SDK1: variants seen among roughly 807,000 people sequenced by gnomAD.
SDK1 encodes sidekick cell adhesion molecule 1.
SDK1 carries 157 observed loss-of-function variants against 245.5 expected under a neutral mutation model. The ratio of observed to expected loss-of-function variants is 0.64; its 90% CI spans 0.56 to 0.73. The LOEUF (loss-of-function observed/expected upper bound fraction) is 0.73. Ranked by LOEUF, SDK1 falls within the 30% of genes least tolerant of loss-of-function variation. SDK1 has a pLI of 0.00. For synonymous variants in SDK1, 1,647 were observed against 1,278.5 expected (o/e 1.29, Z -6.15); for missense variants, 3,583 against 3,002.3 (o/e 1.19, Z -4.52).
chr7:4,158,973 C>G (rs538392746), intron 31 of SDK1, among the ~76,000 whole-genome samples: 136 of 152,320 alleles, frequency 8.9e-4, no homozygotes, highest in African/African-American at 3.2e-3. Context: ...TCAGCCGCTC[C>G]GTCCTACCTC....
chr7:3,663,900 C>G (rs1165578481), intron 4 of SDK1, among the ~76,000 whole-genome samples: 1 of 152,162 alleles, frequency 6.6e-6, no homozygotes, highest in African/African-American at 2.4e-5. Context: ...AAGCATTTTT[C>G]TTAGGAATGT....
chr7:3,936,531 C>T (rs562945564), intron 5 of SDK1, among the ~76,000 whole-genome samples: 8 of 151,828 alleles, frequency 5.3e-5, no homozygotes, highest in Admixed American at 2.6e-4. Flanking sequence ...GTTGCAATGA[C>T]CCTAGATCAC....
chr7:3,353,085 A>G (rs1307428363), intron 1 of SDK1, among the ~76,000 whole-genome samples: 1 of 152,152 alleles, frequency 6.6e-6, no homozygotes, highest in Non-Finnish European at 1.5e-5. Flanking sequence ...ATCCCAATTT[A>G]GCTTTTTTTG....
intron 4 of SDK1, among the ~76,000 whole-genome samples, chr7:3,678,813 G>T (rs190496471): frequency 6.6e-6 from 1 of 152,164 alleles, no homozygotes; most frequent in Non-Finnish European, 1.5e-5. Flanking sequence ...TTTTTAAAAA[G>T]CAATTCAGGG....
At chr7:3,482,270 A>G (rs1781544388) in intron 1 of SDK1, among the ~76,000 whole-genome samples, 1 of 152,210 alleles carries the variant, frequency 6.6e-6, no homozygotes, top group African/African-American at 2.4e-5. Flanking sequence ...TGACCAGGCA[A>G]GAGAAGACGG....
At chr7:4,246,179 C>G (rs1786846487) in intron 44 of SDK1, among the ~76,000 whole-genome samples, 1 of 152,236 alleles carries the variant, frequency 6.6e-6, no homozygotes. Flanking sequence ...GTCCCAGAGA[C>G]TGCAGTGAGA....
At chr7:4,152,599 G>C (rs1009213800) in intron 30 of SDK1, among the ~76,000 whole-genome samples, 1 of 152,160 alleles carries the variant, frequency 6.6e-6, no homozygotes, top group Non-Finnish European at 1.5e-5. Flanking sequence ...AGTTTAATTT[G>C]GTATAGGAGA....
chr7:3,612,770 C>G (rs1382169019), intron 1 of SDK1, among the ~76,000 whole-genome samples: 1 of 152,156 alleles, frequency 6.6e-6, no homozygotes, highest in Non-Finnish European at 1.5e-5. Flanking sequence ...CCTGCCCTGG[C>G]TGATTACTCC....
chr7:4,129,860 T>C, intron 26 of SDK1, 48 bp from the exon 27 acceptor site: 1 of 1,607,974 alleles, frequency 6.2e-7, no homozygotes, highest in Non-Finnish European at 8.5e-7. Context: ...CGGCGGTCCC[T>C]CCTGGCACCC....
intron 1 of SDK1, among the ~76,000 whole-genome samples, chr7:3,474,091 G>GTTTTTT (rs869083123): frequency 0.013 from 559 of 43,254 alleles, 120 homozygotes; most frequent in African/African-American, 0.028. Flanking sequence ...ACCAGATGGT[G>GTTTTTT]TTTTTTTTTT....
intron 28 of SDK1, among the ~76,000 whole-genome samples, chr7:4,136,739 A>G (rs1449434357): frequency 6.6e-6 from 1 of 152,224 alleles, no homozygotes; most frequent in Non-Finnish European, 1.5e-5. Flanking sequence ...CTGGCCAGAC[A>G]CGCGGGATCC....
intron 1 of SDK1, among the ~76,000 whole-genome samples, chr7:3,488,324 A>G (rs910983579): frequency 1.9e-4 from 29 of 151,902 alleles, no homozygotes; most frequent in Middle Eastern, 3.4e-3. Flanking sequence ...TTTGATATGC[A>G]GCGTCCTTAC....
At chr7:4,035,658 C>T (rs1197576089) in intron 17 of SDK1, among the ~76,000 whole-genome samples, 4 of 152,134 alleles carry the variant, frequency 2.6e-5, no homozygotes, top group East Asian at 3.9e-4. Flanking sequence ...ATGATTTTAC[C>T]TTTTAAAACT....
chr7:3,892,800 C>T (rs551144554), intron 5 of SDK1, among the ~76,000 whole-genome samples: 42 of 152,294 alleles, frequency 2.8e-4, no homozygotes, highest in South Asian at 2.3e-3. Context: ...GGAGGCAGTC[C>T]GGAAAGCTGA....
At chr7:3,680,836 T>C (rs1205176537) in intron 4 of SDK1, among the ~76,000 whole-genome samples, 1 of 151,998 alleles carries the variant, frequency 6.6e-6, no homozygotes, top group Non-Finnish European at 1.5e-5. Flanking sequence ...TTATTATTTA[T>C]TTATTTATTT....
intron 4 of SDK1, among the ~76,000 whole-genome samples, chr7:3,676,846 G>A (rs1583297564): frequency 6.6e-6 from 1 of 152,034 alleles, no homozygotes; most frequent in Non-Finnish European, 1.5e-5. Flanking sequence ...TTTATTTCTG[G>A]GTTCTGCTCC....
chr7:4,065,694 G>GTT (rs749991713), intron 19 of SDK1, among the ~76,000 whole-genome samples: 1,560 of 65,992 alleles, frequency 0.024, 83 homozygotes, highest in East Asian at 0.056. Context: ...AGTGGTTGTT[G>GTT]TTTTTTTTTT....
At position 3,789,257 on chromosome 7, in the gene SDK1, C is replaced by T. The variant is rs557923700; in HGVS notation, c.714-32193C>T. On this transcript the variant is annotated intron_variant, in intron 4 of 44. Transcript: ENST00000404826. Reference sequence around the variant, plus strand: ...CCACCTCCCAGGTTCAAGCGATTCTCCTGCCTCAGCCTCCCAAGTAGCTGG... The same window carrying T: ...CCACCTCCCAGGTTCAAGCGATTCTTCTGCCTCAGCCTCCCAAGTAGCTGG... Among the ~76,000 whole-genome samples the T allele has an allele frequency of 3.9e-5, 6 of 152,294 alleles. No individual in the cohort carries two copies. The East Asian group carries it at 9.7e-4, about 25-fold the overall frequency.
At chr7:3,625,030 A>G (rs1782070850) in intron 2 of SDK1, among the ~76,000 whole-genome samples, 1 of 152,156 alleles carries the variant, frequency 6.6e-6, no homozygotes, top group African/African-American at 2.4e-5. Context: ...CAAGAGCAAA[A>G]CTCTGTCTCA....
Sources: allele counts gnomAD v4.1 joint callset (sites outside exome capture counted in the v4.1 genomes callset), GRCh38; gene constraint gnomAD v4.1.1; transcripts MANE v1.5; gene names NCBI Gene and HGNC (gene_info 2026-07-23, HGNC 2026-07-21).